Variants in SIK3 observed in about 807,000 individuals in gnomAD.
SIK3 encodes serine/threonine-protein kinase SIK3.
A neutral mutation model predicts 144.2 loss-of-function variants in SIK3; 28 were observed. That is an observed-to-expected ratio of 0.19 (90% confidence interval 0.14 to 0.27). The LOEUF (loss-of-function observed/expected upper bound fraction) is 0.27. SIK3 is among the 10% of genes least tolerant of loss of function. The pLI, the probability that SIK3 is intolerant of heterozygous loss-of-function variation, is 1.00. For synonymous variants in SIK3, 686 were observed against 676.3 expected (o/e 1.01, Z -0.22); for missense variants, 1,319 against 1,776.0 (o/e 0.74, Z 4.62).
chr11:116,889,751 G>C (rs1945006080), intron 6 of SIK3, among the ~76,000 whole-genome samples: 1 of 152,092 alleles, frequency 6.6e-6, no homozygotes, highest in African/African-American at 2.4e-5. Flanking sequence ...ACAAAAATTA[G>C]GTGGGCGTGG....
chr11:116,918,824 T>G (rs1346826502), intron 4 of SIK3, among the ~76,000 whole-genome samples: 1 of 152,222 alleles, frequency 6.6e-6, no homozygotes, highest in Non-Finnish European at 1.5e-5. Flanking sequence ...GAATACAAAT[T>G]TGTAAAGTTC....
chr11:117,094,819 T>G (rs1432235387), intron 1 of SIK3, among the ~76,000 whole-genome samples: 1 of 151,562 alleles, frequency 6.6e-6, no homozygotes, highest in African/African-American at 2.4e-5. Flanking sequence ...AGTAAGGCTC[T>G]TCCAAAGAAA....
intron 1 of SIK3, among the ~76,000 whole-genome samples, chr11:117,048,564 G>A (rs1413769442): frequency 6.6e-6 from 1 of 152,110 alleles, no homozygotes; most frequent in Non-Finnish European, 1.5e-5. Flanking sequence ...GCCGAGGCAG[G>A]AGAATCACCT....
At chr11:116,904,788 G>C (rs1945938271) in intron 4 of SIK3, 1 of 155,040 alleles carries the variant, frequency 6.4e-6, no homozygotes, top group African/African-American at 2.4e-5. Context: ...GTGTTGCCCA[G>C]GCTGGTCTCG....
intron 21 of SIK3, among the ~76,000 whole-genome samples, chr11:116,854,047 G>A (rs1442078486): frequency 6.6e-6 from 1 of 152,174 alleles, no homozygotes; most frequent in African/African-American, 2.4e-5. Context: ...TGATATGATG[G>A]CATCTAATTT....
intron 4 of SIK3, among the ~76,000 whole-genome samples, chr11:116,912,719 C>T (rs964839832): frequency 6.6e-5 from 10 of 152,178 alleles, no homozygotes; most frequent in African/African-American, 2.4e-4. Flanking sequence ...ATCACTGTGA[C>T]AAGATCCTTC....
chr11:116,944,411 T>A (rs1948470968), intron 3 of SIK3, among the ~76,000 whole-genome samples: 1 of 152,100 alleles, frequency 6.6e-6, no homozygotes, highest in Admixed American at 6.6e-5. Flanking sequence ...ACTTGACGTG[T>A]GGGCTTTGGG....
chr11:116,901,914 A>C (rs1945758663), intron 4 of SIK3, among the ~76,000 whole-genome samples: 1 of 152,230 alleles, frequency 6.6e-6, no homozygotes, highest in East Asian at 1.9e-4. Flanking sequence ...AGGTTGCTAA[A>C]AATCCCAACA....
At chr11:116,941,070 A>C (rs1329013163) in intron 3 of SIK3, among the ~76,000 whole-genome samples, 2 of 151,946 alleles carry the variant, frequency 1.3e-5, no homozygotes, top group Admixed American at 6.6e-5. Flanking sequence ...GCAGTGGCGC[A>C]ATCTCGGCTC....
intron 1 of SIK3, among the ~76,000 whole-genome samples, chr11:117,057,093 G>A (rs1953568807): frequency 6.6e-6 from 1 of 152,138 alleles, no homozygotes; most frequent in Admixed American, 6.5e-5. Flanking sequence ...GACATCTTGT[G>A]AAACTATCGT....
At chr11:116,946,486 T>C (rs539775763) in intron 3 of SIK3, among the ~76,000 whole-genome samples, 27 of 152,288 alleles carry the variant, frequency 1.8e-4, no homozygotes, top group African/African-American at 6.0e-4. Context: ...GGGTCCATTA[T>C]AGGAGAGGAA....
At chr11:116,881,655 T>C (rs1308038618) in intron 6 of SIK3, among the ~76,000 whole-genome samples, 2 of 151,878 alleles carry the variant, frequency 1.3e-5, no homozygotes, top group African/African-American at 4.8e-5. Context: ...TGACTGAAAA[T>C]AGTAATGTCC....
At chr11:116,990,107 C>T (rs1029111596) in intron 1 of SIK3, among the ~76,000 whole-genome samples, 1 of 152,108 alleles carries the variant, frequency 6.6e-6, no homozygotes, top group African/African-American at 2.4e-5. Flanking sequence ...TGTATTTCAG[C>T]GGGGTCGTCA....
At chr11:116,918,280 A>G (rs75432208) in intron 4 of SIK3, among the ~76,000 whole-genome samples, 1,674 of 152,278 alleles carry the variant, frequency 0.011, 18 homozygotes, top group South Asian at 0.026. Flanking sequence ...ATGCTTTGGT[A>G]GGTCAGAAGC....
intron 4 of SIK3, among the ~76,000 whole-genome samples, chr11:116,918,386 T>TC (rs1378582752): frequency 1.4e-4 from 22 of 151,794 alleles, no homozygotes; most frequent in African/African-American, 4.8e-4. Flanking sequence ...CACTTTTTTT[T>TC]CCACCCCCAC....
In SIK3 at chr11:116,859,567, G is replaced by T; in HGVS notation, c.2463C>A (p.Ser821=). 1 of 1,614,154 alleles carries T rather than the reference G, an allele frequency of 6.2e-7. No homozygotes were observed. The highest frequency in any genetic ancestry group is 8.5e-7 in the Non-Finnish European group (1 of 1,180,004). Residue 821 remains serine, a synonymous_variant, in exon 20 of 25, where the codon TCC becomes TCA. Coordinates refer to ENST00000445177, the MANE Select transcript of SIK3 (RefSeq NM_001366686.3). ...ASSSQFQGLP[S]RSAIFQQQPE... ...GTTGCTGCTGAAAGATTGCACTGCGGGAAGGTAAGCCTTGAAACTGGGAAG... is the reference window on the plus strand; with the variant it reads ...GTTGCTGCTGAAAGATTGCACTGCGTGAAGGTAAGCCTTGAAACTGGGAAG...
At chr11:116,927,809 GA>G (rs1246004918) in intron 3 of SIK3, among the ~76,000 whole-genome samples, 1 of 152,160 alleles carries the variant, frequency 6.6e-6, no homozygotes, top group African/African-American at 2.4e-5. Context: ...ATCATTTAAG[GA>G]AAGGGTGGAC....
At chr11:116,912,282 G>C (rs1469012303) in intron 4 of SIK3, among the ~76,000 whole-genome samples, 4 of 152,158 alleles carry the variant, frequency 2.6e-5, no homozygotes, top group African/African-American at 9.7e-5. Flanking sequence ...GGAGCCTGGG[G>C]ATATATAAGG....
intron 1 of SIK3, among the ~76,000 whole-genome samples, chr11:116,997,009 C>T (rs1950692854): frequency 6.6e-6 from 1 of 152,086 alleles, no homozygotes; most frequent in African/African-American, 2.4e-5. Context: ...TCATAGAGGA[C>T]CTTCTCATTT....
Sources: allele counts gnomAD v4.1 joint callset (sites outside exome capture counted in the v4.1 genomes callset), GRCh38; gene constraint gnomAD v4.1.1; transcripts MANE v1.5; gene names NCBI Gene and HGNC (gene_info 2026-07-23, HGNC 2026-07-21).